The following HEATR5B variants were observed in gnomAD, a reference collection of about 807,000 sequenced individuals.
HEATR5B encodes HEAT repeat containing 5B.
Under a neutral mutation model 224.1 loss-of-function variants are expected in HEATR5B, and 156 were observed. The ratio of observed to expected loss-of-function variants is 0.70; its 90% CI spans 0.61 to 0.80. The LOEUF is 0.80. Ranked by LOEUF, HEATR5B falls within the 30% of genes least tolerant of loss-of-function variation. The pLI is 0.00. For synonymous variants in HEATR5B, 1,027 were observed against 893.0 expected (o/e 1.15, Z -2.68); for missense variants, 2,323 against 2,535.5 (o/e 0.92, Z 1.80).
intron 18 of HEATR5B, among the ~76,000 whole-genome samples, chr2:37,042,758 G>C (rs1669952715): frequency 6.6e-6 from 1 of 152,006 alleles, no homozygotes; most frequent in Non-Finnish European, 1.5e-5. Context: ...TGGGTGTGGT[G>C]GCACTTTCCT....
At chr2:37,032,196 GT>G (rs1669177506) in intron 22 of HEATR5B, among the ~76,000 whole-genome samples, 1 of 152,022 alleles carries the variant, frequency 6.6e-6, no homozygotes, top group South Asian at 2.1e-4. Context: ...ATACTTTTCA[GT>G]TTTTTTAAGC....
intron 21 of HEATR5B, among the ~76,000 whole-genome samples, chr2:37,034,979 G>C (rs909825697): frequency 6.6e-6 from 1 of 152,230 alleles, no homozygotes; most frequent in South Asian, 2.1e-4. Flanking sequence ...AAGTCACTTA[G>C]TCTCTTGAAG....
At position 36,988,961 on chromosome 2, in the gene HEATR5B, G is replaced by A; in HGVS notation, c.5698-102C>T. 5.2e-6 allele frequency: 4 copies of A among 772,568 alleles called. No homozygotes were observed. The South Asian group carries it at 5.8e-5, about 11-fold the overall frequency. The allele number at this position is 772,568 out of a possible 1,614,324, so 47.9% of individuals were successfully genotyped here. A position where few individuals can be genotyped will look rare whatever the true frequency, so the allele number is the denominator to read the frequency against. ...TGTACTGAAAATAAGTGATACTGCA[G>A]GACAAAAATGGAAATTACATTTTCT... On this transcript the variant is annotated intron_variant, in intron 34 of 35. Transcript: ENST00000233099.
chr2:36,987,103 T>C (rs1294509488), intron 35 of HEATR5B, among the ~76,000 whole-genome samples: 2 of 152,108 alleles, frequency 1.3e-5, no homozygotes, highest in African/African-American at 4.8e-5. Flanking sequence ...ATTTCACTCT[T>C]AGGAATCTGA....
At chr2:37,004,477 A>G (rs144004763) in intron 30 of HEATR5B, among the ~76,000 whole-genome samples, 1 of 151,496 alleles carries the variant, frequency 6.6e-6, no homozygotes, top group East Asian at 1.9e-4. Context: ...AGATCCTTTT[A>G]TCTACCCTAT....
In HEATR5B at chr2:37,022,758, G is replaced by A. The variant is rs148861880; in HGVS notation, c.3854-1922C>T. Among the ~76,000 whole-genome samples the A allele has an allele frequency of 9.3e-4, 141 of 152,226 alleles. 2 individuals carry two copies. In the East Asian group the frequency reaches 0.023, roughly 25 times the overall value. ...TTAGCCCTAGAGTAAAAGTTGTCCT[G>A]GATCTGTATGAACAAAGTTTAAAAG... is the stretch of plus-strand genomic sequence containing the variant. On this transcript the variant is annotated intron_variant, in intron 24 of 35. Coordinates refer to ENST00000233099, the MANE Select transcript of HEATR5B (RefSeq NM_019024.3).
chr2:37,015,401 G>A (rs1668051413), intron 26 of HEATR5B, among the ~76,000 whole-genome samples: 1 of 152,176 alleles, frequency 6.6e-6, no homozygotes, highest in Admixed American at 6.5e-5. Flanking sequence ...AATATGTTAA[G>A]TGTCTTTTAT....
chr2:36,992,966 C>T (rs1041083888), intron 33 of HEATR5B, among the ~76,000 whole-genome samples: 1 of 152,144 alleles, frequency 6.6e-6, no homozygotes, highest in African/African-American at 2.4e-5. Flanking sequence ...CTAAAGCAAC[C>T]CTCCCACCTT....
Position 37,064,876 on chromosome 2 carries a change from A to G in HEATR5B, c.1448T>C (p.Phe483Ser). The G allele has an allele frequency of 6.2e-7, 1 of 1,614,110 alleles. No individual in the cohort carries two copies. Among genetic ancestry groups the G allele is most frequent in the Non-Finnish European group, 8.5e-7 (1 of 1,180,018 alleles). The change falls in exon 10 of 36, where the codon TTT (phenylalanine) becomes TCT (serine). Residue 483 changes from phenylalanine to serine, a missense_variant. Around this residue, in one of 12 missense-constraint regions of HEATR5B, gnomAD observed 502 missense variants for 517.8 expected, o/e 0.97. Coordinates refer to ENST00000233099, the MANE Select transcript of HEATR5B (RefSeq NM_019024.3). ...AVALPFQLTPFLDRCAERLNN... is the reference protein window; with the variant it reads ...AVALPFQLTPSLDRCAERLNN... ...GAGCCGTTCTGCACACCTGTCTAGA[A>G]ATGGTGTCAGCTGGAAAGGTAATGC...
chr2:37,002,818 T>C (rs1264147437), intron 31 of HEATR5B, among the ~76,000 whole-genome samples: 4 of 152,188 alleles, frequency 2.6e-5, no homozygotes, highest in Non-Finnish European at 5.9e-5. Flanking sequence ...ATATATTTTG[T>C]AATAGGAATA....
chr2:36,982,422 T>C (rs1197007123), intron 35 of HEATR5B, among the ~76,000 whole-genome samples: 1 of 152,236 alleles, frequency 6.6e-6, no homozygotes, highest in East Asian at 1.9e-4. Flanking sequence ...TGTCTTTACT[T>C]ATATTAACAA....
At chr2:37,050,317 C>T (rs1486355261) in intron 17 of HEATR5B, among the ~76,000 whole-genome samples, 1 of 152,192 alleles carries the variant, frequency 6.6e-6, no homozygotes, top group Non-Finnish European at 1.5e-5. Flanking sequence ...CTGTTCAATT[C>T]ACGGTAATTA....
chr2:37,034,241 T>C (rs978811243), intron 21 of HEATR5B, among the ~76,000 whole-genome samples: 9 of 150,456 alleles, frequency 6.0e-5, no homozygotes, highest in African/African-American at 1.7e-4. Flanking sequence ...CTCCTGACCT[T>C]CTGATCCGCC....
At chr2:37,068,261 T>G (rs1671704865) in intron 8 of HEATR5B, among the ~76,000 whole-genome samples, 1 of 152,212 alleles carries the variant, frequency 6.6e-6, no homozygotes, top group Non-Finnish European at 1.5e-5. Flanking sequence ...TACAGCGGGC[T>G]AATAACCATC....
At chr2:37,032,819 A>G in intron 21 of HEATR5B, 46 bp from the exon 22 acceptor site, 4 of 1,538,930 alleles carry the variant, frequency 2.6e-6, no homozygotes, top group Non-Finnish European at 1.8e-6. Flanking sequence ...AAAAAGCTGT[A>G]ATTCTTTAAT....
intron 21 of HEATR5B, 127 bp from the exon 22 acceptor site, chr2:37,032,900 G>C: frequency 1.3e-6 from 1 of 761,634 alleles, no homozygotes. Flanking sequence ...TTTTTTTTGA[G>C]ACAGAGTTTT....
chr2:37,062,454 C>T (rs545175944), intron 10 of HEATR5B, among the ~76,000 whole-genome samples: 2 of 152,066 alleles, frequency 1.3e-5, no homozygotes, highest in African/African-American at 4.8e-5. Context: ...GTTGTCCTCT[C>T]GTGTTATTAG....
intron 33 of HEATR5B, among the ~76,000 whole-genome samples, chr2:36,998,887 T>A (rs1182878071): frequency 6.6e-6 from 1 of 151,838 alleles, no homozygotes; most frequent in Non-Finnish European, 1.5e-5. Flanking sequence ...ATAGAAAACA[T>A]ACTTATTTAT....
intron 26 of HEATR5B, among the ~76,000 whole-genome samples, chr2:37,014,364 G>A (rs959772081): frequency 6.6e-6 from 1 of 151,508 alleles, no homozygotes; most frequent in Non-Finnish European, 1.5e-5. Flanking sequence ...GGGTTTCACT[G>A]TGTTAGCCAG....
Sources: gnomAD v4.1 joint callset for allele counts (sites outside exome capture counted in the v4.1 genomes callset) on GRCh38, gnomAD v4.1.1 for gene constraint, gnomAD v4.1.1 regional missense constraint, MANE v1.5 for transcripts, NCBI Gene and HGNC (gene_info 2026-07-23, HGNC 2026-07-21) for gene names.